The following ZFHX3 variants were observed in gnomAD, a reference collection of about 807,000 sequenced individuals.
ZFHX3 encodes the protein zinc finger homeobox 3.
In ZFHX3, 42 loss-of-function variants were observed where a neutral mutation model predicts 279.1. That is an observed-to-expected ratio of 0.15 (90% CI 0.12 to 0.19). The LOEUF is 0.19. Among genes scored for constraint, ZFHX3 ranks in the 10% least tolerant of loss-of-function variants. ZFHX3 has a pLI of 1.00. For missense variants in ZFHX3, 4,981 were observed against 4,754.0 expected (o/e 1.05, Z -1.40); for synonymous variants, 2,293 against 1,957.8 (o/e 1.17, Z -4.52).
At chr16:73,576,608 T>A (rs75402087) in intron 2 of ZFHX3, among the ~76,000 whole-genome samples, 5,651 of 152,224 alleles carry the variant, frequency 0.037, 336 homozygotes, top group African/African-American at 0.13. Context: ...GCCAACACCC[T>A]GCTGACAGTT....
chr16:73,487,231 C>T (rs2018991654), intron 2 of ZFHX3, among the ~76,000 whole-genome samples: 1 of 152,132 alleles, frequency 6.6e-6, no homozygotes, highest in African/African-American at 2.4e-5. Context: ...CGGATAGGGA[C>T]CACATAGGTG....
intron 5 of ZFHX3, among the ~76,000 whole-genome samples, chr16:73,237,230 C>G (rs116783971): frequency 6.6e-6 from 1 of 152,098 alleles, no homozygotes; most frequent in Non-Finnish European, 1.5e-5. Context: ...CTTTAGAACC[C>G]GTGACTTAAA....
intron 3 of ZFHX3, among the ~76,000 whole-genome samples, chr16:72,942,930 C>T (rs541895357): frequency 2.6e-5 from 4 of 152,302 alleles, no homozygotes; most frequent in Non-Finnish European, 4.4e-5. Flanking sequence ...GAGAGGAAGG[C>T]GTTTGGTCCA....
At chr16:72,949,541 A>C (rs1345157416) in intron 3 of ZFHX3, among the ~76,000 whole-genome samples, 2 of 152,172 alleles carry the variant, frequency 1.3e-5, no homozygotes, top group East Asian at 3.8e-4. Flanking sequence ...TATTTACAGT[A>C]TCCGGAGCAC....
chr16:72,966,670 C>A (rs762885545), intron 1 of ZFHX3, among the ~76,000 whole-genome samples: 2 of 152,164 alleles, frequency 1.3e-5, no homozygotes, highest in Non-Finnish European at 2.9e-5. Context: ...ACACCATTCA[C>A]GGGTGCAGGG....
At chr16:73,238,768 G>C (rs1198937370) in intron 5 of ZFHX3, among the ~76,000 whole-genome samples, 1 of 152,068 alleles carries the variant, frequency 6.6e-6, no homozygotes, top group Non-Finnish European at 1.5e-5. Flanking sequence ...CATTGCCCAT[G>C]CTCTGCTTCT....
intron 2 of ZFHX3, among the ~76,000 whole-genome samples, chr16:73,665,277 C>T (rs2052825161): frequency 6.6e-6 from 1 of 151,090 alleles, no homozygotes; most frequent in Admixed American, 6.6e-5. Flanking sequence ...GCACTGGTGC[C>T]ATCCTGGCTC....
intron 3 of ZFHX3, among the ~76,000 whole-genome samples, chr16:72,947,039 G>T (rs772662828): frequency 7.2e-5 from 11 of 152,220 alleles, no homozygotes; most frequent in Non-Finnish European, 1.5e-4. Flanking sequence ...GGGATCCCAA[G>T]ACGGTAAATG....
intron 2 of ZFHX3, among the ~76,000 whole-genome samples, chr16:73,528,899 A>G (rs1567510424): frequency 6.6e-6 from 1 of 152,226 alleles, no homozygotes; most frequent in South Asian, 2.1e-4. Flanking sequence ...AACCTCCTGG[A>G]TGCAGGACAG....
At chr16:73,225,385 G>T (rs141082212) in intron 5 of ZFHX3, among the ~76,000 whole-genome samples, 1 of 152,244 alleles carries the variant, frequency 6.6e-6, no homozygotes, top group African/African-American at 2.4e-5. Context: ...TGAGGCCGAG[G>T]TGAGAGGAAT....
intron 3 of ZFHX3, among the ~76,000 whole-genome samples, chr16:72,892,809 T>C (rs1399701345): frequency 6.6e-6 from 1 of 152,214 alleles, no homozygotes; most frequent in African/African-American, 2.4e-5. Flanking sequence ...GCACCTGACC[T>C]CTGAGCTGCT....
intron 1 of ZFHX3, among the ~76,000 whole-genome samples, chr16:73,044,429 G>A (rs992177021): frequency 6.6e-6 from 1 of 152,182 alleles, no homozygotes; most frequent in Non-Finnish European, 1.5e-5. Flanking sequence ...ATAAACCACA[G>A]CACATACTGT....
At chr16:73,694,099 A>C (rs2053173624) in intron 1 of ZFHX3, among the ~76,000 whole-genome samples, 1 of 151,906 alleles carries the variant, frequency 6.6e-6, no homozygotes, top group Admixed American at 6.6e-5. Flanking sequence ...AAGGCAGGCA[A>C]ATCACTTGAG....
chr16:73,577,923 G>A (rs112165306), intron 2 of ZFHX3, among the ~76,000 whole-genome samples: 90 of 152,342 alleles, frequency 5.9e-4, no homozygotes, highest in African/African-American at 2.1e-3. Context: ...TTAGGCTACA[G>A]TGGTCATTTC....
chr16:73,474,341 G>C (rs2018727426), intron 2 of ZFHX3, among the ~76,000 whole-genome samples: 1 of 151,984 alleles, frequency 6.6e-6, no homozygotes, highest in Admixed American at 6.6e-5. Context: ...AGAGATGGAG[G>C]TTTCACCATA....
At chr16:73,313,638 A>T (rs972007177) in intron 4 of ZFHX3, among the ~76,000 whole-genome samples, 1 of 152,198 alleles carries the variant, frequency 6.6e-6, no homozygotes, top group African/African-American at 2.4e-5. Flanking sequence ...GGTATTAGTA[A>T]CAATAGAACT....
chr16:73,003,505 T>G (rs867120922), intron 1 of ZFHX3, among the ~76,000 whole-genome samples: 2 of 130,490 alleles, frequency 1.5e-5, no homozygotes, highest in African/African-American at 5.9e-5. Context: ...CTGGCCAACA[T>G]GGTGAGACCC....
intron 2 of ZFHX3, among the ~76,000 whole-genome samples, chr16:73,598,450 C>T (rs1206508937): frequency 2.0e-5 from 3 of 149,504 alleles, no homozygotes; most frequent in African/African-American, 7.4e-5. Context: ...CAGGATCTTA[C>T]TCTGTTGCCC....
At chr16:73,319,895 G>A (rs1176331507) in intron 3 of ZFHX3, among the ~76,000 whole-genome samples, 1 of 152,208 alleles carries the variant, frequency 6.6e-6, no homozygotes, top group Non-Finnish European at 1.5e-5. Context: ...CTGGCTGGTT[G>A]CTATGGCGAC....
Sources: gnomAD v4.1 joint callset for allele counts (sites outside exome capture counted in the v4.1 genomes callset) on GRCh38, gnomAD v4.1.1 for gene constraint, MANE v1.5 for transcripts, NCBI Gene and HGNC (gene_info 2026-07-23, HGNC 2026-07-21) for gene names.